KCNIP1: variants seen among roughly 807,000 people sequenced by gnomAD.
KCNIP1 encodes potassium voltage-gated channel interacting protein 1.
In KCNIP1, 18 loss-of-function variants were observed where a neutral mutation model predicts 33.0. The observed-to-expected ratio is 0.55, with a 90% CI of 0.38 to 0.81. The LOEUF (loss-of-function observed/expected upper bound fraction) is 0.81, where lower values mean the gene tolerates loss of function less well. Among genes scored for constraint, KCNIP1 ranks in the 30% least tolerant of loss-of-function variants. KCNIP1 has a pLI of 0.00. For missense variants in KCNIP1, 238 were observed against 271.6 expected, an observed-to-expected ratio of 0.88 and a Z score of 0.87; for synonymous variants, 93 against 98.3, an observed-to-expected ratio of 0.95 and a Z score of 0.32.
At chr5:170,575,413 T>C (rs1373182082) in intron 1 of KCNIP1, among the ~76,000 whole-genome samples, 2 of 152,212 alleles carry the variant, frequency 1.3e-5, no homozygotes, top group Non-Finnish European at 2.9e-5. Context: ...TCTTTAAATA[T>C]GTGTGAGCTG....
At chr5:170,574,291 A>T (rs551529736) in intron 1 of KCNIP1, among the ~76,000 whole-genome samples, 2 of 152,380 alleles carry the variant, frequency 1.3e-5, no homozygotes, top group African/African-American at 4.8e-5. Flanking sequence ...GCACAAAAAC[A>T]TCACCAAACT....
intron 1 of KCNIP1, among the ~76,000 whole-genome samples, chr5:170,569,817 GATT>G (rs1757333766): frequency 6.6e-6 from 1 of 152,136 alleles, no homozygotes; most frequent in Non-Finnish European, 1.5e-5. Flanking sequence ...GCTTTGCTAG[GATT>G]ATGATTTCCA....
chr5:170,674,070 T>C (rs1419110243), intron 1 of KCNIP1, among the ~76,000 whole-genome samples: 5 of 151,286 alleles, frequency 3.3e-5, no homozygotes, highest in African/African-American at 1.2e-4. Flanking sequence ...GGGGCTGTTC[T>C]GGGCATTGTA....
rs187440226 is a variant in KCNIP1 at position 170,669,734 on chromosome 5, C to A, written c.62-49024C>A. The A allele has an allele frequency of 1.4e-3, 946 of 657,836 alleles. 1 individual carries two copies. Among genetic ancestry groups the A allele is most frequent in the Non-Finnish European group, 1.7e-3 (887 of 531,084 alleles). 40.7% of individuals were successfully genotyped at this position (657,836 alleles called of 1,614,324 possible). On this transcript the variant is annotated intron_variant, in intron 1 of 7. Coordinates refer to ENST00000328939, the MANE Select transcript of KCNIP1 (RefSeq NM_014592.4). ...ATTTTATTTTAGGTCATAATTAACACTAATGAGATGAGTGGATTACAAAGA... is the reference window on the plus strand; with the variant it reads ...ATTTTATTTTAGGTCATAATTAACAATAATGAGATGAGTGGATTACAAAGA...
chr5:170,520,426 T>C (rs1250199544), intron 1 of KCNIP1, among the ~76,000 whole-genome samples: 3 of 152,192 alleles, frequency 2.0e-5, no homozygotes, highest in African/African-American at 7.2e-5. Flanking sequence ...AGCTGTTTCC[T>C]TCAGTTGCGC....
intron 1 of KCNIP1, among the ~76,000 whole-genome samples, chr5:170,443,121 G>T (rs555166153): frequency 1.9e-3 from 287 of 152,268 alleles, no homozygotes; most frequent in Middle Eastern, 0.014. Context: ...GGGTTCCATG[G>T]TAGGCACCCC....
At chr5:170,587,073 G>A (rs1334399856) in intron 1 of KCNIP1, among the ~76,000 whole-genome samples, 1 of 152,182 alleles carries the variant, frequency 6.6e-6, no homozygotes, top group Non-Finnish European at 1.5e-5. Flanking sequence ...CGGGCAGGGT[G>A]TATGAGTTTC....
chr5:170,384,075 GT>G (rs1177474527), intron 1 of KCNIP1, among the ~76,000 whole-genome samples: 2 of 152,150 alleles, frequency 1.3e-5, no homozygotes, highest in African/African-American at 4.8e-5. Flanking sequence ...TATATGACTG[GT>G]TCTCAACCTT....
intron 1 of KCNIP1, among the ~76,000 whole-genome samples, chr5:170,540,315 C>T (rs1756150184): frequency 6.6e-6 from 1 of 152,198 alleles, no homozygotes; most frequent in Non-Finnish European, 1.5e-5. Flanking sequence ...AGTGCCACTC[C>T]TCACTCCACC....
chr5:170,526,741 G>A (rs77942852), intron 1 of KCNIP1, among the ~76,000 whole-genome samples: 1 of 34,990 alleles, frequency 2.9e-5, no homozygotes, highest in Admixed American at 3.5e-4. Context: ...TTTTTTTTTT[G>A]AGACAGAATC....
chr5:170,542,219 C>A (rs1448106920), intron 1 of KCNIP1, among the ~76,000 whole-genome samples: 1 of 152,138 alleles, frequency 6.6e-6, no homozygotes, highest in Non-Finnish European at 1.5e-5. Flanking sequence ...CGTCGTGACC[C>A]CCTGGAGAGA....
chr5:170,710,057 G>A (rs954497185), intron 1 of KCNIP1, among the ~76,000 whole-genome samples: 27 of 152,032 alleles, frequency 1.8e-4, no homozygotes, highest in Non-Finnish European at 3.5e-4. Flanking sequence ...TAGTAGAGAC[G>A]GGATTTCCCC....
intron 1 of KCNIP1, among the ~76,000 whole-genome samples, chr5:170,548,538 T>C (rs1756498410): frequency 6.6e-6 from 1 of 152,238 alleles, no homozygotes; most frequent in Admixed American, 6.5e-5. Flanking sequence ...TTTGAGGTTT[T>C]TCAGACCACA....
intron 1 of KCNIP1, among the ~76,000 whole-genome samples, chr5:170,569,803 G>C (rs945308822): frequency 2.9e-4 from 44 of 151,996 alleles, no homozygotes; most frequent in African/African-American, 7.7e-4. Flanking sequence ...CTTCACCCTA[G>C]TTAGCTTTGC....
chr5:170,560,295 C>T (rs1338112125), intron 1 of KCNIP1, among the ~76,000 whole-genome samples: 1 of 152,156 alleles, frequency 6.6e-6, no homozygotes, highest in Non-Finnish European at 1.5e-5. Flanking sequence ...ATGCCCAGCA[C>T]CTGTTACCTG....
intron 1 of KCNIP1, among the ~76,000 whole-genome samples, chr5:170,560,899 C>T (rs1757013665): frequency 6.6e-6 from 1 of 152,120 alleles, no homozygotes; most frequent in Non-Finnish European, 1.5e-5. Flanking sequence ...CTCCTTCCTC[C>T]CCAGATTCTC....
chr5:170,499,081 A>G (rs753171013), upstream of KCNIP1, among the ~76,000 whole-genome samples: 20 of 152,298 alleles, frequency 1.3e-4, no homozygotes, highest in African/African-American at 4.6e-4. Flanking sequence ...CTCCCAGTCT[A>G]TTTGAGGCCA....
At chr5:170,407,828 T>A (rs992204618) in intron 1 of KCNIP1, among the ~76,000 whole-genome samples, 11 of 152,324 alleles carry the variant, frequency 7.2e-5, no homozygotes, top group African/African-American at 2.4e-4. Context: ...TTTATGGGTG[T>A]AAATTATACT....
At chr5:170,365,255 T>C (rs1195716305) in intron 1 of KCNIP1, among the ~76,000 whole-genome samples, 6 of 152,128 alleles carry the variant, frequency 3.9e-5, no homozygotes, top group Non-Finnish European at 7.4e-5. Flanking sequence ...GAATCTGGGC[T>C]TCCTCCTCTT....
Sources: allele counts gnomAD v4.1 joint callset (sites outside exome capture counted in the v4.1 genomes callset), GRCh38; gene constraint gnomAD v4.1.1; transcripts MANE v1.5; gene names NCBI Gene and HGNC (gene_info 2026-07-23, HGNC 2026-07-21).